The following SLIT3 variants were observed in gnomAD, a reference collection of about 807,000 sequenced individuals.
The protein encoded by SLIT3 is slit guidance ligand 3.
In SLIT3, 68 loss-of-function variants were observed where a neutral mutation model predicts 184.0. That is an observed-to-expected ratio of 0.37 (90% CI 0.30 to 0.45). The LOEUF (loss-of-function observed/expected upper bound fraction) is 0.45, where lower values mean the gene tolerates loss of function less well. SLIT3 is among the 20% of genes least tolerant of loss of function. SLIT3 has a pLI of 1.00. For missense variants in SLIT3, 1,707 were observed against 2,026.0 expected (o/e 0.84, Z 3.02); for synonymous variants, 831 against 828.6 (o/e 1.00, Z -0.05).
chr5:168,890,136 C>CT (rs1760390743), intron 4 of SLIT3, among the ~76,000 whole-genome samples: 2 of 71,840 alleles, frequency 2.8e-5, no homozygotes, highest in African/African-American at 1.3e-4. Flanking sequence ...GAGACTCCAT[C>CT]TAAAAAAAAA....
At chr5:168,708,236 C>T (rs962647917) in intron 25 of SLIT3, 136 bp from the exon 26 acceptor site, 1 of 1,184,436 alleles carries the variant, frequency 8.4e-7, no homozygotes, top group Non-Finnish European at 1.2e-6. Context: ...GCAGCTGGCT[C>T]TCCTCAGCCA....
At position 168,884,844 on chromosome 5, in the gene SLIT3, G is replaced by T. The variant is rs144721168; in HGVS notation, c.414-1508C>A. 1.0e-3 allele frequency among the ~76,000 whole-genome samples: 156 copies of T among 151,938 alleles called. 1 individual carries two copies. The highest frequency in any genetic ancestry group is 1.5e-3 in the Non-Finnish European group (102 of 67,926). On this transcript the variant is annotated intron_variant, in intron 4 of 35. Coordinates refer to ENST00000519560, the MANE Select transcript of SLIT3 (RefSeq NM_003062.4). ...GGACACTTGTCTAACTATCTCCTTGGTACGGGGTCCTAGAAGGAGAACTTG... is the reference window on the plus strand; with the variant it reads ...GGACACTTGTCTAACTATCTCCTTGTTACGGGGTCCTAGAAGGAGAACTTG...
intron 4 of SLIT3, among the ~76,000 whole-genome samples, chr5:168,888,351 A>G (rs963960734): frequency 1.3e-5 from 2 of 152,108 alleles, no homozygotes; most frequent in African/African-American, 2.4e-5. Flanking sequence ...GGGTATGGTG[A>G]CTCCAGCAAC....
intron 21 of SLIT3, among the ~76,000 whole-genome samples, chr5:168,723,995 A>C (rs1271015497): frequency 2.6e-5 from 4 of 152,178 alleles, no homozygotes; most frequent in Admixed American, 2.6e-4. Context: ...GGTTGTCAAT[A>C]CTGGGGTAAG....
At chr5:168,856,790 T>TGC (rs1758887736) in intron 5 of SLIT3, among the ~76,000 whole-genome samples, 1 of 146,384 alleles carries the variant, frequency 6.8e-6, no homozygotes, top group Non-Finnish European at 1.5e-5. Flanking sequence ...TGTGTGTGTG[T>TGC]GTGTGTGTGT....
chr5:168,760,794 C>T (rs2113501055), intron 16 of SLIT3, 68 bp downstream of exon 16: 1 of 1,199,444 alleles, frequency 8.3e-7, no homozygotes, highest in East Asian at 2.3e-5. Flanking sequence ...CCCCTGGTTC[C>T]TCTAGTCTAG....
In SLIT3 at chr5:168,883,265, A is replaced by G; in HGVS notation, c.485T>C (p.Leu162Pro). 6.2e-7 allele frequency: 1 copy of G among 1,613,476 alleles called. No homozygotes were observed. The highest frequency in any genetic ancestry group is 2.2e-5 in the East Asian group (1 of 44,880). ...AFRGITDVKN[L>P]QLDNNHISCI... The stretch of plus-strand genomic sequence containing the variant: ...GTGAAGCAAGGAAAACATCACTTAC[A>G]GGTTCTTCACATCGGTGATGCCGCG... The change falls in exon 5 of 36, where the codon CTG (leucine) becomes CCG (proline). Residue 162 changes from leucine (L) to proline (P), a missense_variant and splice_region_variant. Coordinates refer to ENST00000519560, the MANE Select transcript of SLIT3 (RefSeq NM_003062.4).
chr5:168,863,224 T>C (rs1447541575), intron 5 of SLIT3, among the ~76,000 whole-genome samples: 1 of 152,218 alleles, frequency 6.6e-6, no homozygotes, highest in East Asian at 1.9e-4. Context: ...GCCAGGAGCA[T>C]ACTTTGAACT....
At chr5:168,936,313 C>A (rs1762156886) in intron 4 of SLIT3, among the ~76,000 whole-genome samples, 1 of 152,192 alleles carries the variant, frequency 6.6e-6, no homozygotes. Flanking sequence ...CGGCTCACTG[C>A]AACCTTTGCC....
chr5:168,766,839 A>C (rs4867898), intron 14 of SLIT3, among the ~76,000 whole-genome samples: 27,495 of 152,280 alleles, frequency 0.18, 2,553 homozygotes, highest in Non-Finnish European at 0.19. Context: ...CATTTGAATA[A>C]TGCTTTCTCT....
chr5:169,066,674 G>A (rs779438639), intron 4 of SLIT3, among the ~76,000 whole-genome samples: 8 of 152,014 alleles, frequency 5.3e-5, no homozygotes, highest in African/African-American at 1.7e-4. Context: ...CCCTTTGACC[G>A]GCATGTAAAG....
intron 20 of SLIT3, among the ~76,000 whole-genome samples, chr5:168,732,657 A>T (rs1283911557): frequency 6.6e-6 from 1 of 152,180 alleles, no homozygotes; most frequent in Admixed American, 6.5e-5. Context: ...AGAACCCAAA[A>T]ATAAAGCCAC....
intron 20 of SLIT3, among the ~76,000 whole-genome samples, chr5:168,728,511 C>T (rs1005331173): frequency 6.6e-6 from 1 of 151,968 alleles, no homozygotes; most frequent in Admixed American, 6.6e-5. Flanking sequence ...AAATGTTATT[C>T]TTAAAGAAGC....
chr5:169,104,425 A>G (rs922659293), intron 4 of SLIT3, among the ~76,000 whole-genome samples: 2 of 152,210 alleles, frequency 1.3e-5, no homozygotes, highest in African/African-American at 4.8e-5. Context: ...ATCTTTGCAT[A>G]GGGTAATTCT....
chr5:169,002,961 G>A (rs1755772477), intron 4 of SLIT3, among the ~76,000 whole-genome samples: 1 of 152,196 alleles, frequency 6.6e-6, no homozygotes, highest in African/African-American at 2.4e-5. Flanking sequence ...AAAAGAAGAA[G>A]TTTGTCTGAA....
chr5:168,995,325 A>G (rs1035599251), intron 4 of SLIT3, among the ~76,000 whole-genome samples: 9 of 152,234 alleles, frequency 5.9e-5, no homozygotes, highest in Admixed American at 1.3e-4. Context: ...AGAATTAGCC[A>G]CTTAGATCAT....
rs1294142589 is a variant in SLIT3, at chr5:169,056,036, A to G, written c.413+137443T>C. Among the ~76,000 whole-genome samples, 4 of 152,226 alleles carry G rather than the reference A, an allele frequency of 2.6e-5. No homozygotes were observed. The East Asian group carries it at 5.8e-4, about 22-fold the overall frequency. The stretch of plus-strand genomic sequence containing the variant: ...AGACCACCCTGGCTTGTCCTTGAAT[A>G]TAGATTATAGAGGGGCAGAGTGGAG... On this transcript the variant is annotated intron_variant, in intron 4 of 35. Transcript: ENST00000519560.
chr5:169,262,541 C>T (rs899988383), intron 1 of SLIT3, among the ~76,000 whole-genome samples: 1 of 152,140 alleles, frequency 6.6e-6, no homozygotes, highest in African/African-American at 2.4e-5. Flanking sequence ...TGTGAGGCAT[C>T]TATGGGGCTG....
At chr5:168,725,602 T>C (rs1763084663) in intron 20 of SLIT3, among the ~76,000 whole-genome samples, 1 of 152,234 alleles carries the variant, frequency 6.6e-6, no homozygotes, top group Non-Finnish European at 1.5e-5. Flanking sequence ...TAGGTCTATC[T>C]CTTGCTAGCC....
Sources: allele counts gnomAD v4.1 joint callset (sites outside exome capture counted in the v4.1 genomes callset), GRCh38; gene constraint gnomAD v4.1.1; transcripts MANE v1.5; gene names NCBI Gene and HGNC (gene_info 2026-07-23, HGNC 2026-07-21).